ITPRID1: variants seen among roughly 807,000 people sequenced by gnomAD.
ITPRID1 encodes ITPR interacting domain containing 1, also known as protein ITPRID1.
In ITPRID1, 96 loss-of-function variants were observed where a neutral mutation model predicts 95.4. That is an observed-to-expected ratio of 1.01 (90% CI 0.85 to 1.19). ITPRID1 has a LOEUF of 1.19. Ranked by LOEUF, ITPRID1 falls within the 50% of genes most tolerant of loss-of-function variation. The probability of loss-of-function intolerance (pLI) is 0.00; values close to 1 mark genes in which losing one functional copy is unlikely to be tolerated. For synonymous variants in ITPRID1, 510 were observed against 453.6 expected (o/e 1.12, Z -1.58); for missense variants, 1,339 against 1,252.9 (o/e 1.07, Z -1.04).
chr7:31,596,074 C>A (rs1428182330), intron 10 of ITPRID1, among the ~76,000 whole-genome samples: 1 of 151,158 alleles, frequency 6.6e-6, no homozygotes, highest in East Asian at 1.9e-4. Context: ...TTTATGATAT[C>A]TAAAATTTGT....
chr7:31,537,677 A>G (rs1370715330), intron 1 of ITPRID1, among the ~76,000 whole-genome samples: 2 of 152,154 alleles, frequency 1.3e-5, no homozygotes, highest in African/African-American at 4.8e-5. Context: ...TTGATTTTTA[A>G]AATAAAAATG....
At chr7:31,645,006 T>G (rs942413891) in intron 12 of ITPRID1, among the ~76,000 whole-genome samples, 4 of 152,194 alleles carry the variant, frequency 2.6e-5, no homozygotes, top group African/African-American at 9.7e-5. Context: ...ATCCATTCCA[T>G]AAATATTTGT....
chr7:31,516,686 C>T (rs539223401), intron 1 of ITPRID1, among the ~76,000 whole-genome samples: 1 of 152,310 alleles, frequency 6.6e-6, no homozygotes, highest in African/African-American at 2.4e-5. Flanking sequence ...TCAATTAGAG[C>T]CTATGTGTCC....
Position 31,578,241 on chromosome 7 carries a change from C to A in ITPRID1, c.977C>A (p.Pro326His), listed in dbSNP as rs981922439. 22 of 1,613,668 alleles carry A rather than the reference C, an allele frequency of 1.4e-5. No homozygotes were observed. Among genetic ancestry groups the A allele is most frequent in the East Asian group, 1.1e-4 (5 of 44,882 alleles). ...QSLQACDDLL[P>H]YPPHGLLSKQ... ...CTCCAAGCCTGTGATGATTTGCTACCTTATCCTCCTCATGGTCTTCTGAGC... is the reference window on the plus strand; with the variant it reads ...CTCCAAGCCTGTGATGATTTGCTACATTATCCTCCTCATGGTCTTCTGAGC... Residue 326 changes from proline (P) to histidine (H), a missense_variant, in exon 9 of 15, where the codon CCT (proline) becomes CAT (histidine). Pro to His is a moderately conservative substitution (Grantham distance 77, BLOSUM62 -2). Coordinates refer to ENST00000615280, the MANE Select transcript of ITPRID1 (RefSeq NM_001257967.3).
chr7:31,650,373 G>A (rs1217684546), intron 12 of ITPRID1, among the ~76,000 whole-genome samples: 1 of 152,142 alleles, frequency 6.6e-6, no homozygotes. Context: ...CTGGAGGGTG[G>A]TCAAGTCTGT....
At chr7:31,658,202 C>T (rs1335914966), downstream of ITPRID1, 3 of 1,368,918 alleles carry the variant, frequency 2.2e-6, no homozygotes, top group Admixed American at 5.5e-5. Context: ...GTTTTTTAGC[C>T]CACAGAAGAA....
intron 10 of ITPRID1, among the ~76,000 whole-genome samples, chr7:31,625,936 G>A (rs1562626777): frequency 3.3e-5 from 5 of 151,948 alleles, no homozygotes; most frequent in Admixed American, 2.6e-4. Flanking sequence ...TTAGTAAGAA[G>A]GGTTTTTATT....
At chr7:31,568,786 G>A (rs573706779) in intron 5 of ITPRID1, among the ~76,000 whole-genome samples, 4 of 152,250 alleles carry the variant, frequency 2.6e-5, no homozygotes, top group African/African-American at 7.2e-5. Flanking sequence ...TGGTTTTCAT[G>A]TCCTAACACA....
At chr7:31,658,586 G>A (rs1361587188), downstream of ITPRID1, 2 of 349,506 alleles carry the variant, frequency 5.7e-6, no homozygotes, top group Non-Finnish European at 1.0e-5. Flanking sequence ...AATTGTTCAT[G>A]ATGTGCGAGA....
At chr7:31,523,222 A>G (rs1783322970) in intron 1 of ITPRID1, among the ~76,000 whole-genome samples, 1 of 152,352 alleles carries the variant, frequency 6.6e-6, no homozygotes, top group South Asian at 2.1e-4. Context: ...AGACAAAAGC[A>G]TTCTAGTCTT....
chr7:31,640,373 A>G (rs1789910115), intron 10 of ITPRID1, among the ~76,000 whole-genome samples: 1 of 152,170 alleles, frequency 6.6e-6, no homozygotes, highest in African/African-American at 2.4e-5. Context: ...AATACTCAAG[A>G]GAGACCCTCT....
chr7:31,621,789 C>T (rs1262852063), intron 10 of ITPRID1, among the ~76,000 whole-genome samples: 1 of 149,166 alleles, frequency 6.7e-6, no homozygotes, highest in Non-Finnish European at 1.5e-5. Flanking sequence ...ACTAAATGCT[C>T]CAATTAAAAG....
chr7:31,620,808 C>T (rs962185619), intron 10 of ITPRID1, among the ~76,000 whole-genome samples: 2 of 152,030 alleles, frequency 1.3e-5, no homozygotes, highest in African/African-American at 4.8e-5. Context: ...GATCAAACTA[C>T]AAGCTACAGG....
intron 9 of ITPRID1, among the ~76,000 whole-genome samples, chr7:31,581,992 C>T (rs527742615): frequency 4.6e-5 from 7 of 152,238 alleles, no homozygotes; most frequent in South Asian, 4.2e-4. Flanking sequence ...CTCATGGTCC[C>T]TAGTCTATTC....
At chr7:31,537,705 A>G (rs961213516) in intron 1 of ITPRID1, among the ~76,000 whole-genome samples, 63 of 152,132 alleles carry the variant, frequency 4.1e-4, no homozygotes, top group African/African-American at 1.4e-3. Flanking sequence ...TTATTTCTTC[A>G]TAATAAAAAT....
intron 9 of ITPRID1, among the ~76,000 whole-genome samples, chr7:31,580,098 G>T (rs746174851): frequency 5.9e-5 from 9 of 151,934 alleles, no homozygotes; most frequent in Non-Finnish European, 1.2e-4. Context: ...AGGAATTTGA[G>T]ACCAGCCTGG....
At chr7:31,571,107 C>T (rs1032191345) in intron 6 of ITPRID1, among the ~76,000 whole-genome samples, 3 of 152,076 alleles carry the variant, frequency 2.0e-5, no homozygotes, top group African/African-American at 7.2e-5. Flanking sequence ...CAGCTCACTG[C>T]AATCTCCACC....
chr7:31,657,020 G>C (rs1328381239), downstream of ITPRID1, among the ~76,000 whole-genome samples: 8 of 147,256 alleles, frequency 5.4e-5, no homozygotes, highest in Non-Finnish European at 1.2e-4. Context: ...TTCCTGGTTT[G>C]TGTAATAAAT....
chr7:31,529,775 A>G (rs764709198), intron 1 of ITPRID1: 1 of 1,535,348 alleles, frequency 6.5e-7, no homozygotes, highest in South Asian at 1.2e-5. Flanking sequence ...TTTGATGCCA[A>G]CTACAGCAAG....
Sources: allele counts gnomAD v4.1 joint callset (sites outside exome capture counted in the v4.1 genomes callset), GRCh38; gene constraint gnomAD v4.1.1; transcripts MANE v1.5; gene names NCBI Gene and HGNC (gene_info 2026-07-23, HGNC 2026-07-21).